The following RYR2 variants were observed in gnomAD, a reference collection of about 807,000 sequenced individuals.
The protein encoded by RYR2 is ryanodine receptor 2.
A neutral mutation model predicts 601.1 loss-of-function variants in RYR2; 227 were observed. That is an observed-to-expected ratio of 0.38 (90% confidence interval 0.34 to 0.42). RYR2 has a LOEUF of 0.42. Among genes scored for constraint, RYR2 ranks in the 10% least tolerant of loss-of-function variants. The pLI is 1.00. For synonymous variants in RYR2, 2,223 were observed against 2,175.1 expected (o/e 1.02, Z -0.61); for missense variants, 4,646 against 6,156.5 (o/e 0.75, Z 8.21).
chr1:237,390,674 G>A (rs1209880559), intron 10 of RYR2, among the ~76,000 whole-genome samples: 1 of 152,084 alleles, frequency 6.6e-6, no homozygotes, highest in Non-Finnish European at 1.5e-5. Context: ...TCCTTTCGAT[G>A]GCTAGTTATG....
intron 16 of RYR2, among the ~76,000 whole-genome samples, chr1:237,461,139 C>T (rs190767191): frequency 6.6e-6 from 1 of 152,276 alleles, no homozygotes; most frequent in East Asian, 1.9e-4. Context: ...CGGAAAATGG[C>T]AGGAACAAAG....
rs1384648011 is a variant in RYR2 at position 237,511,712 on chromosome 1, C to T, written c.2743C>T (p.His915Tyr). The T allele has an allele frequency of 6.4e-7, 1 of 1,572,428 alleles. No individual in the cohort carries two copies. Among genetic ancestry groups the T allele is most frequent in the Non-Finnish European group, 8.6e-7 (1 of 1,157,318 alleles). The change falls in exon 24 of 105, where the codon CAC becomes TAC. Residue 915 changes from histidine to tyrosine, a missense_variant. Transcript: ENST00000366574. Reference sequence around the variant, plus strand: ...GGTTAGAGATGACAACAAGAGACAACACCCATGCCTGGTGGAGTTCTCCAA... The same window carrying T: ...GGTTAGAGATGACAACAAGAGACAATACCCATGCCTGGTGGAGTTCTCCAA... ...GPVRDDNKRQ[H>Y]PCLVEFSKLP...
intron 15 of RYR2, among the ~76,000 whole-genome samples, chr1:237,455,235 C>T (rs148217253): frequency 3.9e-4 from 59 of 151,788 alleles, no homozygotes; most frequent in African/African-American, 1.3e-3. Context: ...TTGGAGACTA[C>T]GAGGGTTGAT....
At chr1:237,239,823 T>C (rs1160442301) in intron 1 of RYR2, among the ~76,000 whole-genome samples, 1 of 152,226 alleles carries the variant, frequency 6.6e-6, no homozygotes, top group African/African-American at 2.4e-5. Flanking sequence ...CAGCAGTTTC[T>C]GGACTAGGTA....
chr1:237,233,920 T>G (rs1685264483), intron 1 of RYR2, among the ~76,000 whole-genome samples: 1 of 152,022 alleles, frequency 6.6e-6, no homozygotes, highest in East Asian at 1.9e-4. Context: ...TTGAACTTGT[T>G]GTCTTGAGCT....
In RYR2 at chr1:237,793,989, C is replaced by G. The variant is rs755859428; in HGVS notation, c.13905C>G (p.Ile4635Met). 6.2e-7 allele frequency: 1 copy of G among 1,611,050 alleles called. No homozygotes were observed. The highest frequency in any genetic ancestry group is 8.5e-7 in the Non-Finnish European group (1 of 1,177,468). ...DIKGQWDRLV[I>M]NTQSFPNNYW... ...AAGGCCAGTGGGATAGACTCGTAAT[C>G]AACACACAGTGAGTAAATAATTATA... Residue 4635 changes from isoleucine to methionine, a missense_variant, in exon 95 of 105, where the codon ATC (isoleucine) becomes ATG (methionine). Transcript: ENST00000366574.
intron 43 of RYR2, among the ~76,000 whole-genome samples, chr1:237,634,153 G>A (rs1028714257): frequency 3.3e-5 from 5 of 152,112 alleles, no homozygotes; most frequent in East Asian, 1.9e-4. Context: ...GAAGAGATAC[G>A]TGTACTTCCA....
intron 5 of RYR2, among the ~76,000 whole-genome samples, chr1:237,366,084 A>G (rs1700171432): frequency 6.6e-6 from 1 of 152,220 alleles, no homozygotes; most frequent in Non-Finnish European, 1.5e-5. Flanking sequence ...TCTCGCTTTC[A>G]CCTTTCAATC....
chr1:237,274,025 TTTATA>T (rs1007671603), intron 2 of RYR2, among the ~76,000 whole-genome samples: 9 of 144,260 alleles, frequency 6.2e-5, no homozygotes, highest in African/African-American at 7.9e-5. Context: ...ACATATATAT[TTTATA>T]TTATATATAA....
intron 95 of RYR2, among the ~76,000 whole-genome samples, chr1:237,795,007 A>G (rs1658936343): frequency 2.6e-5 from 4 of 152,230 alleles, no homozygotes; most frequent in Admixed American, 2.0e-4. Flanking sequence ...TATGTTATAA[A>G]CAAATAAATA....
intron 80 of RYR2, among the ~76,000 whole-genome samples, chr1:237,749,432 G>GTTA (rs1553309944): frequency 4.9e-5 from 5 of 102,898 alleles, no homozygotes; most frequent in East Asian, 9.5e-4. Context: ...CTAAATATTT[G>GTTA]CTATTATTAT....
At chr1:237,239,243 T>C (rs1192355490) in intron 1 of RYR2, among the ~76,000 whole-genome samples, 6 of 152,098 alleles carry the variant, frequency 3.9e-5, no homozygotes, top group African/African-American at 1.4e-4. Flanking sequence ...CCGAGGCTTG[T>C]TGCCTCACAC....
intron 94 of RYR2, among the ~76,000 whole-genome samples, chr1:237,793,516 AT>A (rs1293616325): frequency 6.6e-6 from 1 of 152,218 alleles, no homozygotes; most frequent in Non-Finnish European, 1.5e-5. Flanking sequence ...CAATTGCTAA[AT>A]TTTATTTCAT....
chr1:237,140,249 A>G (rs1673239936), intron 1 of RYR2, among the ~76,000 whole-genome samples: 1 of 152,208 alleles, frequency 6.6e-6, no homozygotes, highest in African/African-American at 2.4e-5. Flanking sequence ...CTTTCATCCA[A>G]AAGACTTGAT....
Position 237,643,338 on chromosome 1 carries a change from C to A in RYR2, c.7233C>A (p.Ala2411=), listed in dbSNP as rs367994477. Residue 2411 remains alanine, a synonymous_variant, in exon 48 of 105, where the codon GCC becomes GCA. Coordinates refer to ENST00000366574, the MANE Select transcript of RYR2 (RefSeq NM_001035.3). The part of the protein sequence containing the change: ...RCAPEMHLIH[A]GKGEAIRIRS... ...TTTCCCCTGTATAGTTGATTCATGC[C>A]GGGAAGGGAGAAGCCATCAGAATTA... 1.2e-6 allele frequency: 2 copies of A among 1,613,170 alleles called. No individual in the cohort carries two copies. Among genetic ancestry groups the A allele is most frequent in the Non-Finnish European group, 8.5e-7 (1 of 1,179,494 alleles).
chr1:237,458,085 AT>A (rs1659051519), intron 16 of RYR2, among the ~76,000 whole-genome samples: 1 of 152,026 alleles, frequency 6.6e-6, no homozygotes, highest in Admixed American at 6.6e-5. Flanking sequence ...CTTTTCCAGA[AT>A]TGTTGTATAT....
intron 80 of RYR2, among the ~76,000 whole-genome samples, chr1:237,750,457 A>G (rs1692449083): frequency 6.6e-6 from 1 of 151,602 alleles, no homozygotes; most frequent in African/African-American, 2.4e-5. Flanking sequence ...ACATAAATAT[A>G]GGAGCCAATA....
chr1:237,804,159 G>A (rs1660331603), intron 98 of RYR2, among the ~76,000 whole-genome samples: 1 of 151,942 alleles, frequency 6.6e-6, no homozygotes, highest in Admixed American at 6.6e-5. Flanking sequence ...TGGTACTGCA[G>A]TGGCACTCAA....
chr1:237,336,514 C>T (rs1223382612), intron 3 of RYR2, among the ~76,000 whole-genome samples: 8 of 152,144 alleles, frequency 5.3e-5, no homozygotes, highest in Admixed American at 4.6e-4. Context: ...CAGACTCAGA[C>T]ATGTCCAGCT....
Sources: gnomAD v4.1 joint callset for allele counts (sites outside exome capture counted in the v4.1 genomes callset) on GRCh38, gnomAD v4.1.1 for gene constraint, MANE v1.5 for transcripts, NCBI Gene and HGNC (gene_info 2026-07-23, HGNC 2026-07-21) for gene names.